SCMH1: variants seen among roughly 807,000 people sequenced by gnomAD.
SCMH1 encodes the protein polycomb protein SCMH1.
SCMH1 carries 37 observed loss-of-function variants against 70.8 expected under a neutral mutation model. The observed-to-expected ratio is 0.52, with a 90% confidence interval of 0.40 to 0.69. SCMH1 has a LOEUF of 0.69. Ranked by LOEUF, SCMH1 falls within the 30% of genes least tolerant of loss-of-function variation. The pLI, the probability that SCMH1 is intolerant of heterozygous loss-of-function variation, is 0.00. For synonymous variants in SCMH1, 292 were observed against 307.4 expected, an observed-to-expected ratio of 0.95 and a Z score of 0.52; for missense variants, 607 against 827.3, an observed-to-expected ratio of 0.73 and a Z score of 3.27.
At chr1:41,166,851 T>C (rs191692937) in intron 2 of SCMH1, among the ~76,000 whole-genome samples, 2 of 152,278 alleles carry the variant, frequency 1.3e-5, no homozygotes, top group East Asian at 3.9e-4. Flanking sequence ...TCTTGCCTAA[T>C]TGCTCGGGCT....
chr1:41,185,690 C>A (rs1413665234), intron 2 of SCMH1, among the ~76,000 whole-genome samples: 4 of 147,896 alleles, frequency 2.7e-5, no homozygotes, highest in African/African-American at 1.0e-4. Flanking sequence ...GGCTGGAGTG[C>A]AATGGTGAGA....
intron 10 of SCMH1, among the ~76,000 whole-genome samples, chr1:41,058,521 C>G (rs1376139656): frequency 6.6e-6 from 1 of 151,270 alleles, no homozygotes. Context: ...GCTGGGACTA[C>G]AGGTGCATGC....
chr1:41,173,641 T>A (rs1045162520), intron 2 of SCMH1, among the ~76,000 whole-genome samples: 1 of 152,184 alleles, frequency 6.6e-6, no homozygotes, highest in Non-Finnish European at 1.5e-5. Flanking sequence ...GAAATCAGTA[T>A]GTCGAAGAGT....
At chr1:41,130,577 A>G (rs182332560) in intron 6 of SCMH1, among the ~76,000 whole-genome samples, 1 of 152,182 alleles carries the variant, frequency 6.6e-6, no homozygotes, top group East Asian at 1.9e-4. Context: ...TTGCATGTGT[A>G]TATGTCATTT....
chr1:41,062,496 C>T (rs1217936500), intron 10 of SCMH1, among the ~76,000 whole-genome samples: 2 of 151,838 alleles, frequency 1.3e-5, no homozygotes, highest in African/African-American at 4.8e-5. Flanking sequence ...AATCCCAGCA[C>T]TTTGGGAGGC....
chr1:41,046,263 T>C, intron 12 of SCMH1, 144 bp downstream of exon 12: 1 of 637,296 alleles, frequency 1.6e-6, no homozygotes, highest in Non-Finnish European at 2.7e-6. Flanking sequence ...AAGTCTCAGA[T>C]ATGGCAAAGG....
chr1:41,144,892 T>C (rs1644413731), intron 5 of SCMH1, among the ~76,000 whole-genome samples: 1 of 152,196 alleles, frequency 6.6e-6, no homozygotes, highest in Non-Finnish European at 1.5e-5. Context: ...TTGTATATAT[T>C]TGGAGAAATA....
rs145196671 is a variant in SCMH1 at position 41,109,185 on chromosome 1, G to A, written c.745+4098C>T. Among the ~76,000 whole-genome samples, 429 of 152,252 alleles carry A rather than the reference G, an allele frequency of 2.8e-3. 5 individuals carry two copies. The highest frequency in any genetic ancestry group is 9.7e-3 in the African/African-American group (401 of 41,550). Reference sequence around the variant, plus strand: ...ACAGAGCCAAGTCATTTAATTATCTGAGCTTCAGTTTTCTCATAAATAAAA... The same window carrying A: ...ACAGAGCCAAGTCATTTAATTATCTAAGCTTCAGTTTTCTCATAAATAAAA... On this transcript the variant is annotated intron_variant, in intron 8 of 14. Coordinates refer to ENST00000337495, the Ensembl canonical transcript of SCMH1.
chr1:41,035,593 GA>G (rs1645182144), intron 13 of SCMH1, among the ~76,000 whole-genome samples: 1 of 152,140 alleles, frequency 6.6e-6, no homozygotes, highest in South Asian at 2.1e-4. Context: ...CTCTCTCAGA[GA>G]AAGTGTGCCT....
At chr1:41,034,789 A>G (rs555610871) in intron 13 of SCMH1, among the ~76,000 whole-genome samples, 2 of 152,276 alleles carry the variant, frequency 1.3e-5, no homozygotes, top group African/African-American at 4.8e-5. Flanking sequence ...ATGAAAGCTC[A>G]TGTTCTTCAG....
rs1422639767 is a variant in SCMH1 at position 41,117,012 on chromosome 1, T to C, written c.413-2A>G. ...AAGAAGACGCATTCAGCCGAAATCC[T>C]GCAGCAAGCATAATGGGCAACAGAT... is the stretch of plus-strand genomic sequence containing the variant. On this transcript the variant is annotated splice_acceptor_variant, in intron 6 of 14. Coordinates refer to ENST00000337495, the Ensembl canonical transcript of SCMH1. LOFTEE classifies it high-confidence loss of function. 6.2e-7 allele frequency: 1 copy of C among 1,603,796 alleles called. No homozygotes were observed. The highest frequency in any genetic ancestry group is 1.7e-5 in the Admixed American group (1 of 59,044).
rs546194822 is a variant in SCMH1, at chr1:41,028,424, G to A, written c.1822-105C>T. ...TTATAGGCCATCCTGGGAAGTGCCC[G>A]CCACATGGAGTCCAGTTCACCTGCT... On this transcript the variant is annotated intron_variant, in intron 14 of 14. Transcript: ENST00000337495. 1.9e-4 allele frequency: 287 copies of A among 1,519,774 alleles called. 2 individuals carry two copies. In the South Asian group the frequency reaches 2.6e-3, roughly 14 times the overall value. The allele number at this position is 1,519,774 out of a possible 1,614,324, so 94.1% of individuals were successfully genotyped here.
intron 5 of SCMH1, among the ~76,000 whole-genome samples, chr1:41,149,863 A>G (rs74929086): frequency 0.02 from 3,098 of 152,236 alleles, 105 homozygotes; most frequent in African/African-American, 0.071. Context: ...CCTTTCAGAT[A>G]GTTTTTTCCT....
In SCMH1 at chr1:41,242,014, G is replaced by C. The variant is rs1256698794; in HGVS notation, c.-118+45C>G. ...CCTTCTGGCCCCAGGCGGCCCCTCA[G>C]GGCACGAGCTCTTAGGCGGGCGGAG... On this transcript the variant is annotated intron_variant, in intron 1 of 14. Coordinates refer to ENST00000337495, the Ensembl canonical transcript of SCMH1. The surrounding 1 kb of genome is among the most constrained non-coding windows in gnomAD (Gnocchi z 5.2). 6.6e-6 allele frequency: 1 copy of C among 152,474 alleles called. No homozygotes were observed. The highest frequency in any genetic ancestry group is 2.4e-5 in the African/African-American group (1 of 41,422). The allele number at this position is 152,474 out of a possible 1,614,324, so 9.4% of individuals were successfully genotyped here. A position where few individuals can be genotyped will look rare whatever the true frequency, so the allele number is the denominator to read the frequency against.
chr1:41,172,028 C>CA lies in SCMH1; in HGVS notation c.14-10597dup, dbSNP rs151235398. Among the ~76,000 whole-genome samples the CA allele has an allele frequency of 3.3e-5, 5 of 151,986 alleles. No individual in the cohort carries two copies. The South Asian group carries it at 1.0e-3, about 32-fold the overall frequency. ...GCAACATGGCAAGACCCCATCTCTA[C>CA]AAAAAATACAAAAAGTTAGCCAGGA... On this transcript the variant is annotated intron_variant, in intron 2 of 14. Coordinates refer to ENST00000337495, the Ensembl canonical transcript of SCMH1.
At chr1:41,205,592 C>G (rs962546908) in intron 1 of SCMH1, among the ~76,000 whole-genome samples, 2 of 152,182 alleles carry the variant, frequency 1.3e-5, no homozygotes, top group Non-Finnish European at 1.5e-5. Flanking sequence ...CCAGGAAGCT[C>G]GAACTGGGCA....
At chr1:41,160,480 TC>T (rs1645920405) in intron 4 of SCMH1, among the ~76,000 whole-genome samples, 1 of 152,234 alleles carries the variant, frequency 6.6e-6, no homozygotes, top group Non-Finnish European at 1.5e-5. Flanking sequence ...AGGTTTAGTT[TC>T]AGTTCAATTT....
chr1:41,107,016 C>CTTT (rs879613092), intron 8 of SCMH1, among the ~76,000 whole-genome samples: 4 of 145,246 alleles, frequency 2.8e-5, no homozygotes, highest in African/African-American at 1.0e-4. Flanking sequence ...CTTGACCATA[C>CTTT]TTTTTTTTTT....
At chr1:41,144,127 C>A (rs1485397705) in intron 5 of SCMH1, among the ~76,000 whole-genome samples, 1 of 152,056 alleles carries the variant, frequency 6.6e-6, no homozygotes, top group Non-Finnish European at 1.5e-5. Context: ...AGAAAATTAA[C>A]CCTTTTAAGG....
Sources: gnomAD v4.1 joint callset for allele counts (sites outside exome capture counted in the v4.1 genomes callset) on GRCh38, gnomAD v4.1.1 for gene constraint, Gnocchi (gnomAD v3.1) non-coding constraint, MANE v1.5 for transcripts, NCBI Gene and HGNC (gene_info 2026-07-23, HGNC 2026-07-21) for gene names.